Variants in NLRP11 observed in about 807,000 individuals in gnomAD.
NLRP11 encodes the protein NACHT, LRR and PYD domains-containing protein 11.
A neutral mutation model predicts 79.3 loss-of-function variants in NLRP11; 53 were observed. The observed-to-expected ratio is 0.67, with a 90% confidence interval of 0.54 to 0.84. The LOEUF (loss-of-function observed/expected upper bound fraction) is 0.84, where lower values mean the gene tolerates loss of function less well. NLRP11 is among the 40% of genes least tolerant of loss of function. The probability of loss-of-function intolerance (pLI) is 0.00; values close to 1 mark genes in which losing one functional copy is unlikely to be tolerated. For synonymous variants in NLRP11, 518 were observed against 462.6 expected (o/e 1.12, Z -1.54); for missense variants, 1,264 against 1,255.0 (o/e 1.01, Z -0.11).
chr19:55,817,976 T>C, exon 2 of NLRP11: 2 of 1,612,842 alleles, frequency 1.2e-6, no homozygotes, highest in Non-Finnish European at 1.7e-6. Context: ...AAGAGCATAT[T>C]CCATATATAC....
chr19:55,830,408 T>C (rs1470809155), intron 1 of NLRP11, among the ~76,000 whole-genome samples: 1 of 152,192 alleles, frequency 6.6e-6, no homozygotes, highest in African/African-American at 2.4e-5. Context: ...CATATTTCCC[T>C]AAACACTGTT....
At chr19:55,807,903 C>T (rs751891218) in exon 4 of NLRP11, 1 of 1,612,980 alleles carries the variant, frequency 6.2e-7, no homozygotes, top group Non-Finnish European at 8.5e-7. Flanking sequence ...TAGACAGAAT[C>T]CTTTCTGAAA....
intron 1 of NLRP11, among the ~76,000 whole-genome samples, chr19:55,829,486 T>C (rs746264981): frequency 6.6e-6 from 1 of 151,800 alleles, no homozygotes; most frequent in Non-Finnish European, 1.5e-5. Flanking sequence ...GCTAACACAG[T>C]GAAGCCTTGT....
rs1352455203 is a variant in NLRP11, at chr19:55,809,508, C to G, written c.1102G>C (p.Asp368His). ...TCAGCAAGAAAGTGGGCATGTAGAT[C>G]AGTGGGTGTTTGGCAGCAGAGCTGG... The change falls in exon 3 of 10, where the codon GAT (aspartate) becomes CAT (histidine). Residue 368 changes from aspartate to histidine, a missense_variant. Transcript: ENST00000589093. The surrounding 1 kb of genome is among the most constrained non-coding windows in gnomAD (Gnocchi z 4.5). The G allele has an allele frequency of 6.2e-7, 1 of 1,614,024 alleles. No individual in the cohort carries two copies.
intron 1 of NLRP11, among the ~76,000 whole-genome samples, chr19:55,829,064 C>T (rs1329751770): frequency 6.6e-6 from 1 of 152,144 alleles, no homozygotes; most frequent in East Asian, 1.9e-4. Context: ...CAGCAACTTC[C>T]AGCAATCAAT....
At chr19:55,807,192 G>C (rs1444213032) in intron 4 of NLRP11, among the ~76,000 whole-genome samples, 1 of 152,102 alleles carries the variant, frequency 6.6e-6, no homozygotes, top group African/African-American at 2.4e-5. Flanking sequence ...CTTCTTGAAT[G>C]AAAATAAAGT....
chr19:55,814,854 G>T (rs8101591), intron 2 of NLRP11, among the ~76,000 whole-genome samples: 1 of 151,852 alleles, frequency 6.6e-6, no homozygotes, highest in Non-Finnish European at 1.5e-5. Flanking sequence ...AGTGAGACAG[G>T]ACAGCCACCA....
intron 9 of NLRP11, among the ~76,000 whole-genome samples, chr19:55,786,566 A>C (rs1176934767): frequency 6.6e-6 from 1 of 152,090 alleles, no homozygotes; most frequent in East Asian, 1.9e-4. Context: ...GCACACTTAC[A>C]CCGCAGCCCA....
intron 6 of NLRP11, 28 bp downstream of exon 6, chr19:55,796,052 C>T (rs376857734): frequency 2.2e-5 from 35 of 1,587,458 alleles, no homozygotes; most frequent in Admixed American, 1.2e-4. Context: ...TGAGCTTCTA[C>T]GTGGTGAGCT....
upstream of NLRP11, among the ~76,000 whole-genome samples, chr19:55,832,633 C>T (rs1982905861): frequency 6.6e-6 from 1 of 152,100 alleles, no homozygotes; most frequent in Non-Finnish European, 1.5e-5. Context: ...TCATATTGAA[C>T]AGATTACAGA....
intron 4 of NLRP11, among the ~76,000 whole-genome samples, chr19:55,805,688 T>C (rs1465532176): frequency 1.3e-5 from 2 of 152,034 alleles, no homozygotes; most frequent in East Asian, 3.9e-4. Flanking sequence ...TACAGTTGCA[T>C]GCCGCCACAC....
exon 7 of NLRP11, chr19:55,792,350 G>A: frequency 1.2e-6 from 2 of 1,614,150 alleles, no homozygotes; most frequent in Non-Finnish European, 8.5e-7. Context: ...AACGTCACAT[G>A]CAACACTCCG....
At chr19:55,793,556 CAAAAAA>C (rs59605427) in intron 6 of NLRP11, among the ~76,000 whole-genome samples, 19 of 35,688 alleles carry the variant, frequency 5.3e-4, no homozygotes, top group South Asian at 2.6e-3. Flanking sequence ...TGACTGTCTC[CAAAAAA>C]AAAAAAAAAA....
chr19:55,829,900 G>A (rs1295074888), intron 1 of NLRP11, among the ~76,000 whole-genome samples: 3 of 152,044 alleles, frequency 2.0e-5, no homozygotes, highest in Non-Finnish European at 4.4e-5. Context: ...TTGACCAGAA[G>A]CCTTATCAAC....
chr19:55,822,182 T>C (rs1981809235), intron 1 of NLRP11, among the ~76,000 whole-genome samples: 1 of 152,130 alleles, frequency 6.6e-6, no homozygotes, highest in African/African-American at 2.4e-5. Flanking sequence ...GAGAATCACT[T>C]GAACCTGGGA....
exon 3 of NLRP11, chr19:55,810,119 T>A (rs1980458649): frequency 6.2e-7 from 1 of 1,614,032 alleles, no homozygotes; most frequent in Non-Finnish European, 8.5e-7. Flanking sequence ...CACAGCCAGA[T>A]TTATAACAAT....
upstream of NLRP11, among the ~76,000 whole-genome samples, chr19:55,832,673 G>T (rs1442022659): frequency 6.6e-6 from 1 of 152,198 alleles, no homozygotes; most frequent in Non-Finnish European, 1.5e-5. Flanking sequence ...AGGTGCAAAA[G>T]GGGAAATATA....
intron 6 of NLRP11, among the ~76,000 whole-genome samples, chr19:55,793,549 C>T (rs989212893): frequency 1.7e-4 from 15 of 89,580 alleles, no homozygotes; most frequent in Non-Finnish European, 2.5e-4. Flanking sequence ...GCCTGGGTGA[C>T]TGTCTCCAAA....
At chr19:55,818,032 G>A in exon 2 of NLRP11, 1 of 1,614,070 alleles carries the variant, frequency 6.2e-7, no homozygotes, top group Non-Finnish European at 8.5e-7. Context: ...TTCTTCTTTT[G>A]TCATCTGTAT....
Sources: gnomAD v4.1 joint callset for allele counts (sites outside exome capture counted in the v4.1 genomes callset) on GRCh38, gnomAD v4.1.1 for gene constraint, Gnocchi (gnomAD v3.1) non-coding constraint, MANE v1.5 for transcripts, NCBI Gene and HGNC (gene_info 2026-07-23, HGNC 2026-07-21) for gene names.